Variants in BUB1 observed in about 807,000 individuals in gnomAD.
The protein encoded by BUB1 is mitotic checkpoint serine/threonine-protein kinase BUB1.
A neutral mutation model predicts 135.2 loss-of-function variants in BUB1; 84 were observed. The observed-to-expected ratio is 0.62, with a 90% CI of 0.52 to 0.74. The LOEUF (loss-of-function observed/expected upper bound fraction) is 0.74, where lower values mean the gene tolerates loss of function less well. Among genes scored for constraint, BUB1 ranks in the 30% least tolerant of loss-of-function variants. The pLI is 0.00. For synonymous variants in BUB1, 403 were observed against 434.4 expected, an observed-to-expected ratio of 0.93 and a Z score of 0.90; for missense variants, 1,162 against 1,288.3, an observed-to-expected ratio of 0.90 and a Z score of 1.50.
Position 110,640,061 on chromosome 2 carries a change from C to T in BUB1, c.2956-213G>A, listed in dbSNP as rs1689463284. On this transcript the variant is annotated intron_variant, in intron 23 of 24. Coordinates refer to ENST00000302759, the MANE Select transcript of BUB1 (RefSeq NM_004336.5). The stretch of plus-strand genomic sequence containing the variant: ...CCAGTCTCTTGAAAAGCTCTGCCCT[C>T]CTGAGCTACCATGTCCCTCTCAAGT... The T allele has an allele frequency of 9.4e-6, 6 of 638,314 alleles. No homozygotes were observed. The East Asian group carries it at 1.5e-4, about 16-fold the overall frequency. The allele number at this position is 638,314 out of a possible 1,614,324, so 39.5% of individuals were successfully genotyped here. A position where few individuals can be genotyped will look rare whatever the true frequency, so the allele number is the denominator to read the frequency against.
chr2:110,649,170 C>CAT (rs1689718035), intron 19 of BUB1, 64 bp downstream of exon 19: 4 of 1,508,722 alleles, frequency 2.7e-6, no homozygotes, highest in African/African-American at 2.8e-5. Context: ...CACACACACA[C>CAT]GTTACCATCA....
At chr2:110,644,343 G>A (rs1689587095) in intron 19 of BUB1, among the ~76,000 whole-genome samples, 1 of 151,828 alleles carries the variant, frequency 6.6e-6, no homozygotes, top group South Asian at 2.1e-4. Flanking sequence ...CGGGTATGGT[G>A]GTGGGCATCT....
At chr2:110,670,240 G>A (rs1352694957) in intron 5 of BUB1, among the ~76,000 whole-genome samples, 1 of 146,028 alleles carries the variant, frequency 6.8e-6, no homozygotes, top group African/African-American at 2.5e-5. Flanking sequence ...CCGGGCTCAA[G>A]CAATTCTCCT....
chr2:110,672,574 G>A, intron 4 of BUB1, 87 bp downstream of exon 4: 1 of 1,379,616 alleles, frequency 7.2e-7, no homozygotes, highest in Admixed American at 2.5e-5. Context: ...GGATTTCCCT[G>A]TACAAATTGC....
chr2:110,669,935 G>C (rs1690371053), intron 5 of BUB1, among the ~76,000 whole-genome samples: 1 of 151,588 alleles, frequency 6.6e-6, no homozygotes, highest in Non-Finnish European at 1.5e-5. Flanking sequence ...TAAGTATTTT[G>C]GTCAATTTTG....
In BUB1 at chr2:110,641,820, T is replaced by C. The variant is rs771516020; in HGVS notation, c.2464-17A>G. 37 of 1,597,538 alleles carry C rather than the reference T, an allele frequency of 2.3e-5. No individual in the cohort carries two copies. Among genetic ancestry groups the C allele is most frequent in the Non-Finnish European group, 3.1e-5 (36 of 1,178,028 alleles). On this transcript the variant is annotated splice_polypyrimidine_tract_variant and intron_variant, in intron 20 of 24. Coordinates refer to ENST00000302759, the MANE Select transcript of BUB1 (RefSeq NM_004336.5). ...CTTTTGGACCTGCAAATCAGGTATG[T>C]GAAATTCATATCCAATCTCGTATTC...
intron 9 of BUB1, 78 bp from the exon 10 acceptor site, chr2:110,661,919 C>A: frequency 6.6e-7 from 1 of 1,505,958 alleles, no homozygotes; most frequent in South Asian, 1.3e-5. Flanking sequence ...TACATCTTCT[C>A]AAAGCATGGC....
At chr2:110,661,419 G>A in intron 10 of BUB1, 163 bp downstream of exon 10, 1 of 795,130 alleles carries the variant, frequency 1.3e-6, no homozygotes, top group Non-Finnish European at 1.9e-6. Flanking sequence ...AAAGGATTGG[G>A]AGCAATGTTT....
intron 9 of BUB1, among the ~76,000 whole-genome samples, chr2:110,665,735 AAAGT>A (rs1171381081): frequency 2.0e-5 from 3 of 152,090 alleles, no homozygotes; most frequent in Non-Finnish European, 4.4e-5. Flanking sequence ...GTAAGAAAAT[AAAGT>A]ATTTTATCTT....
rs1385282909 is a variant in BUB1, at chr2:110,672,873, AC to A, written c.226-17del. The stretch of plus-strand genomic sequence containing the variant: ...TGTACTCAGCCTACACGAACCCAAA[AC>A]AAAAAGACATAAGAATAATGGAACT... On this transcript the variant is annotated splice_polypyrimidine_tract_variant and intron_variant, in intron 3 of 24. Coordinates refer to ENST00000302759, the MANE Select transcript of BUB1 (RefSeq NM_004336.5). The A allele has an allele frequency of 3.9e-6, 6 of 1,555,564 alleles. No homozygotes were observed. The East Asian group carries it at 1.4e-4, about 36-fold the overall frequency.
chr2:110,645,961 C>T (rs188031878), intron 19 of BUB1, among the ~76,000 whole-genome samples: 2 of 151,774 alleles, frequency 1.3e-5, no homozygotes, highest in Admixed American at 6.6e-5. Context: ...CAAAAGTTAC[C>T]GAAAACTAAT....
At chr2:110,654,089 G>A (rs1266391013) in intron 16 of BUB1, among the ~76,000 whole-genome samples, 2 of 152,102 alleles carry the variant, frequency 1.3e-5, no homozygotes, top group African/African-American at 4.8e-5. Flanking sequence ...CGAGAGAGTG[G>A]CAAGTCCATT....
At position 110,661,753 on chromosome 2, in the gene BUB1, A is replaced by T. The variant is rs756025274; in HGVS notation, c.1046T>A (p.Val349Glu). The change falls in exon 10 of 25, where the codon GTG (valine) becomes GAG (glutamate). Residue 349 changes from valine to glutamate, a missense_variant. By Grantham distance (121) the Val-to-Glu change is moderately radical. Transcript: ENST00000302759. ...CLPVTYQQTP[V>E]NMEKNPREAP... The stretch of plus-strand genomic sequence containing the variant: ...CTCTCTTGGGTTCTTTTCCATGTTC[A>T]CTGGTGTCTGCTGATAGGTTACTGG... The T allele has an allele frequency of 3.7e-6, 6 of 1,614,096 alleles. No individual in the cohort carries two copies. The highest frequency in any genetic ancestry group is 5.1e-6 in the Non-Finnish European group (6 of 1,180,034).
intron 10 of BUB1, chr2:110,660,974 T>C (rs1483998858): frequency 1.3e-5 from 2 of 152,368 alleles, no homozygotes; most frequent in African/African-American, 2.4e-5. Context: ...AAGTAAAACA[T>C]GCAAAGCATT....
Position 110,657,543 on chromosome 2 carries a change from T to A in BUB1, c.1616+3A>T. ...TCCCATTAACTAGATGGTATTTTTT[T>A]ACCCATAATTTTCTTTGTTTCCATC... On this transcript the variant is annotated splice_donor_region_variant and intron_variant, in intron 14 of 24. Transcript: ENST00000302759. 6.3e-7 allele frequency: 1 copy of A among 1,593,344 alleles called. No homozygotes were observed. Among genetic ancestry groups the A allele is most frequent in the African/African-American group, 1.4e-5 (1 of 74,000 alleles).
intron 8 of BUB1, among the ~76,000 whole-genome samples, chr2:110,666,939 A>C (rs1038146522): frequency 2.0e-5 from 3 of 152,196 alleles, no homozygotes; most frequent in African/African-American, 7.2e-5. Flanking sequence ...CAGCATGTGA[A>C]AGAAAAACAC....
intron 23 of BUB1, 78 bp downstream of exon 23, chr2:110,640,956 G>A (rs1217780729): frequency 1.4e-6 from 2 of 1,445,824 alleles, no homozygotes; most frequent in South Asian, 3.1e-5. Flanking sequence ...AAACTACCTA[G>A]ATCCCCAAAT....
Position 110,658,487 on chromosome 2 carries a change from A to G in BUB1, c.1439T>C (p.Leu480Pro). The change falls in exon 13 of 25, where the codon CTT becomes CCT. Residue 480 changes from leucine (L) to proline (P), a missense_variant. Physicochemically the swap from Leu to Pro is moderately conservative, Grantham distance 98 (BLOSUM62 -3). Transcript: ENST00000302759. Reference sequence around the variant, plus strand: ...ATCTTTGTCATCAGAAATATCAGGAAGTGTAGGAGCCTGAAACATATTCAT... The same window carrying G: ...ATCTTTGTCATCAGAAATATCAGGAGGTGTAGGAGCCTGAAACATATTCAT... ...FIMNMFQAPT[L>P]PDISDDKDEW... The G allele has an allele frequency of 6.2e-7, 1 of 1,614,084 alleles. No individual in the cohort carries two copies. Among genetic ancestry groups the G allele is most frequent in the Non-Finnish European group, 8.5e-7 (1 of 1,179,992 alleles).
Position 110,660,032 on chromosome 2 carries a change from C to A in BUB1, c.1222G>T (p.Val408Leu). The A allele has an allele frequency of 6.2e-7, 1 of 1,610,880 alleles. No homozygotes were observed. The highest frequency in any genetic ancestry group is 8.5e-7 in the Non-Finnish European group (1 of 1,177,624). ...FAVASKDAGC[V>L]NKSTHEFKPQ... ...TTGAATTCATGAGTACTCTTATTCA[C>A]ACATCTGGAAGAGAAAACTCTTGAG... Residue 408 changes from valine to leucine, a missense_variant, in exon 11 of 25, where the codon GTG becomes TTG. Transcript: ENST00000302759.
Sources: allele counts gnomAD v4.1 joint callset (sites outside exome capture counted in the v4.1 genomes callset), GRCh38; gene constraint gnomAD v4.1.1; transcripts MANE v1.5; gene names NCBI Gene and HGNC (gene_info 2026-07-23, HGNC 2026-07-21).